CCDC192: variants seen among roughly 807,000 people sequenced by gnomAD.
CCDC192 encodes the protein coiled-coil domain-containing protein 192.
chr5:127,749,323 AG>A (rs1753980957), intron 2 of CCDC192, among the ~76,000 whole-genome samples: 1 of 152,126 alleles, frequency 6.6e-6, no homozygotes, highest in Non-Finnish European at 1.5e-5. Flanking sequence ...TTAGCATGAA[AG>A]GTTGTTGAAT....
chr5:127,804,001 G>A (rs1757645875), intron 5 of CCDC192, among the ~76,000 whole-genome samples: 1 of 152,212 alleles, frequency 6.6e-6, no homozygotes, highest in Non-Finnish European at 1.5e-5. Context: ...AGGCCTGGAA[G>A]CTCAGGGTGA....
intron 5 of CCDC192, among the ~76,000 whole-genome samples, chr5:127,834,310 T>C (rs1749937418): frequency 6.6e-6 from 1 of 152,204 alleles, no homozygotes; most frequent in African/African-American, 2.4e-5. Context: ...CTAAAAAATG[T>C]ATTGTTCTTT....
chr5:127,739,760 A>G (rs1339524812), intron 2 of CCDC192: 3 of 153,268 alleles, frequency 2.0e-5, no homozygotes, highest in Non-Finnish European at 2.9e-5. Flanking sequence ...GCACTTCCCA[A>G]GTGAGGCAAT....
chr5:127,886,334 G>A (rs1178375627), intron 6 of CCDC192, among the ~76,000 whole-genome samples: 4 of 152,082 alleles, frequency 2.6e-5, no homozygotes, highest in African/African-American at 9.7e-5. Context: ...AATAGAACTT[G>A]GCAAACAAAG....
At chr5:127,843,321 A>G (rs1750380586) in intron 5 of CCDC192, among the ~76,000 whole-genome samples, 1 of 151,748 alleles carries the variant, frequency 6.6e-6, no homozygotes, top group South Asian at 2.1e-4. Context: ...TACAGGCGTG[A>G]GCCATCGCAG....
chr5:127,718,412 T>C (rs915127738), intron 2 of CCDC192, among the ~76,000 whole-genome samples: 5 of 152,140 alleles, frequency 3.3e-5, no homozygotes, highest in Non-Finnish European at 7.4e-5. Flanking sequence ...ACCCATGACA[T>C]TTTTTTCTCC....
At chr5:127,780,556 C>T (rs1471619073) in intron 3 of CCDC192, among the ~76,000 whole-genome samples, 2 of 152,076 alleles carry the variant, frequency 1.3e-5, no homozygotes, top group Non-Finnish European at 2.9e-5. Context: ...TTTTGATTTG[C>T]ATTTTCCTGA....
rs142667352 is a variant in CCDC192 at position 127,875,155 on chromosome 5, T to C, written c.412-383T>C. 7.7e-3 allele frequency among the ~76,000 whole-genome samples: 1,168 copies of C among 152,270 alleles called. 11 individuals carry two copies. The highest frequency in any genetic ancestry group is 0.026 in the African/African-American group (1,084 of 41,548). On this transcript the variant is annotated intron_variant, in intron 5 of 6. Coordinates refer to ENST00000514853, the MANE Select transcript of CCDC192 (RefSeq NM_001317938.2). ...GACTTAGAATCAAGGCTCTATTTCATATGAGTCTACTTACAGATGGGAAAA... is the reference window on the plus strand; with the variant it reads ...GACTTAGAATCAAGGCTCTATTTCACATGAGTCTACTTACAGATGGGAAAA...
At chr5:127,747,069 C>CT (rs34542436) in intron 2 of CCDC192, among the ~76,000 whole-genome samples, 11,422 of 142,610 alleles carry the variant, frequency 0.08, 718 homozygotes, top group African/African-American at 0.18. Flanking sequence ...GCAGTTCATT[C>CT]TTTTTTTTTT....
At chr5:127,915,272 C>T (rs941910984) in intron 6 of CCDC192, among the ~76,000 whole-genome samples, 1 of 152,226 alleles carries the variant, frequency 6.6e-6, no homozygotes, top group Non-Finnish European at 1.5e-5. Flanking sequence ...TGCTAACAAT[C>T]ATCTGAGTCT....
chr5:127,760,498 T>C (rs1041169749), intron 3 of CCDC192, among the ~76,000 whole-genome samples: 2 of 151,634 alleles, frequency 1.3e-5, no homozygotes, highest in Admixed American at 6.6e-5. Context: ...TATAACAAGT[T>C]CCCATCTCGC....
intron 3 of CCDC192, among the ~76,000 whole-genome samples, chr5:127,759,557 A>G (rs1163555385): frequency 2.6e-5 from 4 of 152,200 alleles, no homozygotes; most frequent in Admixed American, 1.3e-4. Flanking sequence ...GAAGAAAGAA[A>G]GAAATTCCCA....
chr5:127,934,855 G>C (rs963512117), intron 6 of CCDC192, among the ~76,000 whole-genome samples: 1 of 152,182 alleles, frequency 6.6e-6, no homozygotes, highest in Non-Finnish European at 1.5e-5. Context: ...CCTGGACTCT[G>C]TGGTGGTTGC....
intron 5 of CCDC192, among the ~76,000 whole-genome samples, chr5:127,862,451 C>A (rs938513739): frequency 6.6e-6 from 1 of 152,242 alleles, no homozygotes; most frequent in African/African-American, 2.4e-5. Flanking sequence ...GATACTCTTT[C>A]AGTTGACAGT....
At chr5:127,889,400 T>G (rs1342032875) in intron 6 of CCDC192, among the ~76,000 whole-genome samples, 1 of 127,474 alleles carries the variant, frequency 7.8e-6, no homozygotes, top group Admixed American at 8.8e-5. Flanking sequence ...TTTTCTTTTC[T>G]TTCTTTCTTT....
chr5:127,915,949 T>C (rs2127182679), intron 6 of CCDC192, among the ~76,000 whole-genome samples: 1 of 152,356 alleles, frequency 6.6e-6, no homozygotes. Context: ...TTAGCTGCAT[T>C]GATTAGCTTC....
chr5:127,872,424 A>G (rs1376849624), intron 5 of CCDC192, among the ~76,000 whole-genome samples: 1 of 152,144 alleles, frequency 6.6e-6, no homozygotes, highest in Non-Finnish European at 1.5e-5. Context: ...AACTGTACCA[A>G]CCCTGGAGGC....
At chr5:127,734,990 G>A (rs1174157912) in intron 2 of CCDC192, among the ~76,000 whole-genome samples, 3 of 141,492 alleles carry the variant, frequency 2.1e-5, no homozygotes, top group Non-Finnish European at 4.6e-5. Context: ...TTTTAGACAT[G>A]AAGTCCTTGC....
At chr5:127,814,600 AG>A (rs1758271853) in intron 5 of CCDC192, among the ~76,000 whole-genome samples, 1 of 152,242 alleles carries the variant, frequency 6.6e-6, no homozygotes, top group South Asian at 2.1e-4. Flanking sequence ...AATAGCTAAA[AG>A]CTTAGTTGGG....
Sources: allele counts gnomAD v4.1 joint callset (sites outside exome capture counted in the v4.1 genomes callset), GRCh38; gene constraint gnomAD v4.1.1; transcripts MANE v1.5; gene names NCBI Gene and HGNC (gene_info 2026-07-23, HGNC 2026-07-21).